Variants in DISP1 observed in about 807,000 individuals in gnomAD.
DISP1 encodes the protein protein dispatched homolog 1.
A neutral mutation model predicts 37.3 loss-of-function variants in DISP1; 30 were observed. The ratio of observed to expected loss-of-function variants is 0.80; its 90% CI spans 0.60 to 1.09. The LOEUF (loss-of-function observed/expected upper bound fraction) is 1.09, where lower values mean the gene tolerates loss of function less well. Among genes scored for constraint, DISP1 ranks in the 50% least tolerant of loss-of-function variants. The pLI is 0.00. For missense variants in DISP1, 1,598 were observed against 1,879.5 expected (o/e 0.85, Z 2.77); for synonymous variants, 634 against 690.2 (o/e 0.92, Z 1.28).
At chr1:222,903,182 G>A (rs964014741) in intron 1 of DISP1, among the ~76,000 whole-genome samples, 8 of 151,592 alleles carry the variant, frequency 5.3e-5, no homozygotes, top group African/African-American at 1.9e-4. Flanking sequence ...ATCATTCTCA[G>A]CAAACTATCG....
Position 222,995,279 on chromosome 1 carries a change from A to G in DISP1, c.987+297A>G, listed in dbSNP as rs546022176. ...ATTTCTTTTCAGTATAATATTTAAG[A>G]CTGTTTTTCTTCTTTTGTTGTATTT... is the stretch of plus-strand genomic sequence containing the variant. On this transcript the variant is annotated intron_variant, in intron 8 of 8. Transcript: ENST00000675850. Among the ~76,000 whole-genome samples, 10 of 152,154 alleles carry G rather than the reference A, an allele frequency of 6.6e-5. No homozygotes were observed. In the East Asian group the frequency reaches 1.9e-3, roughly 29 times the overall value.
At position 223,002,673 on chromosome 1, in the gene DISP1, C is replaced by G. The variant is rs1679550916; in HGVS notation, c.1276C>G (p.Gln426Glu). 3 of 1,614,140 alleles carry G rather than the reference C, an allele frequency of 1.9e-6. No individual in the cohort carries two copies. Among genetic ancestry groups the G allele is most frequent in the Middle Eastern group, 1.6e-4 (1 of 6,062 alleles). ...RKCTKYNAVY[Q>E]ILHYLVDKDF... ...ATGTACCAAGTACAATGCTGTGTAC[C>G]AGATCCTCCATTACTTGGTGGACAA... Residue 426 changes from glutamine (Q) to glutamate (E), a missense_variant, in exon 9 of 9, where the codon CAG becomes GAG. Coordinates refer to ENST00000675850, the MANE Select transcript of DISP1 (RefSeq NM_001377229.1).
intron 1 of DISP1, among the ~76,000 whole-genome samples, chr1:222,923,838 G>A (rs1011224371): frequency 6.6e-6 from 1 of 152,168 alleles, no homozygotes; most frequent in African/African-American, 2.4e-5. Flanking sequence ...AAGAAGGGCA[G>A]GGAGAGCAAG....
chr1:222,838,032 C>T lies in DISP1; in HGVS notation c.-159+22954C>T, dbSNP rs148474325. Reference sequence around the variant, plus strand: ...CTCGATAGTTTTTCCTATTATTTCTCAATAGTAATTATGCTGCCATTTAAA... The same window carrying T: ...CTCGATAGTTTTTCCTATTATTTCTTAATAGTAATTATGCTGCCATTTAAA... On this transcript the variant is annotated intron_variant, in intron 1 of 8. Transcript: ENST00000675850. 4.4e-3 allele frequency among the ~76,000 whole-genome samples: 671 copies of T among 152,258 alleles called. 5 individuals are homozygous for T. Among genetic ancestry groups the T allele is most frequent in the African/African-American group, 0.015 (632 of 41,568 alleles).
chr1:222,992,233 A>G, intron 7 of DISP1, 123 bp downstream of exon 7: 1 of 819,994 alleles, frequency 1.2e-6, no homozygotes, highest in Non-Finnish European at 2.1e-6. Context: ...TTGCTGTTGA[A>G]CCTAAAGAAA....
chr1:222,874,251 T>C (rs1317247278), intron 1 of DISP1, among the ~76,000 whole-genome samples: 1 of 152,154 alleles, frequency 6.6e-6, no homozygotes, highest in Non-Finnish European at 1.5e-5. Context: ...CAATTATGTG[T>C]CTTGGAGTTG....
At chr1:222,888,630 G>A (rs1003265636) in intron 1 of DISP1, among the ~76,000 whole-genome samples, 1 of 152,078 alleles carries the variant, frequency 6.6e-6, no homozygotes, top group South Asian at 2.1e-4. Context: ...GTATTCTGTT[G>A]TACATTGAAG....
intron 1 of DISP1, among the ~76,000 whole-genome samples, chr1:222,863,143 C>T (rs1668979286): frequency 6.6e-6 from 1 of 152,144 alleles, no homozygotes; most frequent in Non-Finnish European, 1.5e-5. Flanking sequence ...TCACTTTACA[C>T]AAATACGAGC....
At chr1:222,954,014 G>A (rs948793683) in intron 3 of DISP1, among the ~76,000 whole-genome samples, 8 of 151,336 alleles carry the variant, frequency 5.3e-5, no homozygotes, top group African/African-American at 9.7e-5. Flanking sequence ...TTCCATATTC[G>A]TGCTAGTTAT....
intron 1 of DISP1, among the ~76,000 whole-genome samples, chr1:222,850,418 T>C (rs1236857833): frequency 6.9e-6 from 1 of 145,258 alleles, no homozygotes; most frequent in East Asian, 1.9e-4. Context: ...CTCCAACTGC[T>C]ACACTTTTTT....
Position 223,004,801 on chromosome 1 carries a change from G to A in DISP1, c.3404G>A (p.Gly1135Glu). 6.2e-7 allele frequency: 1 copy of A among 1,612,222 alleles called. No homozygotes were observed. The highest frequency in any genetic ancestry group is 8.5e-7 in the Non-Finnish European group (1 of 1,180,006). ...TTCCAGTGCATGTGCCGGTGCCTTG[G>A]ACCACAGGGTACCTGTGGTCAGATT... Reference protein sequence around the residue: ...FFFQCMCRCLGPQGTCGQIPL... With the variant: ...FFFQCMCRCLEPQGTCGQIPL... Residue 1135 changes from glycine (G) to glutamate (E), a missense_variant, in exon 9 of 9, where the codon GGA (glycine) becomes GAA (glutamate). Transcript: ENST00000675850. The surrounding 1 kb of genome is among the most constrained non-coding windows in gnomAD (Gnocchi z 4.9).
At chr1:222,879,340 T>C (rs1292847609) in intron 1 of DISP1, among the ~76,000 whole-genome samples, 3 of 152,162 alleles carry the variant, frequency 2.0e-5, no homozygotes, top group African/African-American at 7.2e-5. Flanking sequence ...TTTATCACTC[T>C]TGGGAATGTT....
At chr1:222,907,416 C>T (rs1050582977) in intron 1 of DISP1, among the ~76,000 whole-genome samples, 3 of 152,148 alleles carry the variant, frequency 2.0e-5, no homozygotes, top group Admixed American at 2.0e-4. Context: ...GTTAGAAATG[C>T]AAATTCTAGG....
intron 4 of DISP1, among the ~76,000 whole-genome samples, chr1:222,988,763 C>T (rs1253352311): frequency 6.6e-6 from 1 of 151,386 alleles, no homozygotes; most frequent in Non-Finnish European, 1.5e-5. Flanking sequence ...AAGTAATTCT[C>T]CTGCCTCAGC....
chr1:222,863,199 A>G (rs1668982290), intron 1 of DISP1, among the ~76,000 whole-genome samples: 2 of 152,018 alleles, frequency 1.3e-5, no homozygotes, highest in Admixed American at 6.6e-5. Flanking sequence ...TTTCCACTGT[A>G]AAGTTGCCGT....
In DISP1 at chr1:222,943,167, G is replaced by C; in HGVS notation, c.344G>C (p.Cys115Ser). The C allele has an allele frequency of 1.2e-6, 2 of 1,611,604 alleles. No homozygotes were observed. The highest frequency in any genetic ancestry group is 1.7e-6 in the Non-Finnish European group (2 of 1,177,818). ...GPAAPSALAS[C>S]CMQPHSEYSA... The stretch of plus-strand genomic sequence containing the variant: ...GCAGCACCCTCTGCTTTGGCCTCGT[G>C]TTGCATGCAGCCACACTCCGAGTAT... Residue 115 changes from cysteine to serine, a missense_variant, in exon 3 of 9, where the codon TGT (cysteine) becomes TCT (serine). Coordinates refer to ENST00000675850, the MANE Select transcript of DISP1 (RefSeq NM_001377229.1).
chr1:223,005,992 A>G lies in DISP1; in HGVS notation c.*20A>G, dbSNP rs771883669. ...CTATAATAAATGCAGCATTCAATTCAGAACCAGTGCCTCAATTATTCTTTT... is the reference window on the plus strand; with the variant it reads ...CTATAATAAATGCAGCATTCAATTCGGAACCAGTGCCTCAATTATTCTTTT... On this transcript the variant is annotated 3_prime_UTR_variant, in exon 9 of 9. Coordinates refer to ENST00000675850, the MANE Select transcript of DISP1 (RefSeq NM_001377229.1). The G allele has an allele frequency of 4.4e-6, 7 of 1,583,420 alleles. No homozygotes were observed. Among genetic ancestry groups the G allele is most frequent in the Non-Finnish European group, 5.2e-6 (6 of 1,156,220 alleles).
At chr1:222,817,961 T>C (rs1324479329) in intron 1 of DISP1, among the ~76,000 whole-genome samples, 2 of 152,260 alleles carry the variant, frequency 1.3e-5, no homozygotes, top group East Asian at 3.8e-4. Context: ...GACTCAGTTT[T>C]GCTTTGAGTG....
At chr1:222,817,216 A>G in intron 1 of DISP1, among the ~76,000 whole-genome samples, 1 of 152,246 alleles carries the variant, frequency 6.6e-6, no homozygotes, top group East Asian at 1.9e-4. Context: ...TTTACAGTTT[A>G]ACCAATAATG....
Sources: gnomAD v4.1 joint callset for allele counts (sites outside exome capture counted in the v4.1 genomes callset) on GRCh38, gnomAD v4.1.1 for gene constraint, Gnocchi (gnomAD v3.1) non-coding constraint, MANE v1.5 for transcripts, NCBI Gene and HGNC (gene_info 2026-07-23, HGNC 2026-07-21) for gene names.